FBXO36: variants seen among roughly 807,000 people sequenced by gnomAD.
The protein encoded by FBXO36 is F-box only protein 36.
A neutral mutation model predicts 17.0 loss-of-function variants in FBXO36; 18 were observed. The ratio of observed to expected loss-of-function variants is 1.06; its 90% confidence interval spans 0.73 to 1.57. The LOEUF (loss-of-function observed/expected upper bound fraction) is 1.57, where lower values mean the gene tolerates loss of function less well. Among genes scored for constraint, FBXO36 ranks in the 40% most tolerant of loss-of-function variants. The pLI is 0.00. For missense variants in FBXO36, 229 were observed against 221.9 expected, an observed-to-expected ratio of 1.03 and a Z score of -0.20; for synonymous variants, 83 against 85.3, an observed-to-expected ratio of 0.97 and a Z score of 0.15.
rs915673369 is a variant in FBXO36, at chr2:229,986,213, A to G, written c.205+9864A>G. On this transcript the variant is annotated intron_variant, in intron 2 of 3. Coordinates refer to ENST00000283946, the MANE Select transcript of FBXO36 (RefSeq NM_174899.5). Reference sequence around the variant, plus strand: ...CAAGAATATGTTATATATTAACACAAAAAGGACTGGGCAATGTAGCTCACA... The same window carrying G: ...CAAGAATATGTTATATATTAACACAGAAAGGACTGGGCAATGTAGCTCACA... 7.2e-5 allele frequency among the ~76,000 whole-genome samples: 11 copies of G among 152,186 alleles called. 1 individual carries two copies. The highest frequency in any genetic ancestry group is 3.3e-4 in the Admixed American group (5 of 15,274).
intron 2 of FBXO36, among the ~76,000 whole-genome samples, chr2:229,981,321 C>A (rs1255621664): frequency 6.6e-6 from 1 of 151,958 alleles, no homozygotes; most frequent in Non-Finnish European, 1.5e-5. Context: ...AGACCACCCC[C>A]CCATCTCTAA....
At chr2:229,966,702 A>G (rs2077154863) in intron 1 of FBXO36, among the ~76,000 whole-genome samples, 2 of 151,936 alleles carry the variant, frequency 1.3e-5, no homozygotes, top group African/African-American at 4.8e-5. Flanking sequence ...GATCTGTGGT[A>G]TTATTTCTGA....
chr2:229,973,248 A>G (rs894413514), intron 1 of FBXO36: 3 of 152,018 alleles, frequency 2.0e-5, no homozygotes, highest in Non-Finnish European at 4.4e-5. Context: ...TCACCAATAC[A>G]GGGTTTTATC....
intron 3 of FBXO36, 57 bp downstream of exon 3, chr2:229,996,980 AT>A (rs767954505): frequency 1.3e-6 from 2 of 1,524,696 alleles, no homozygotes; most frequent in East Asian, 2.3e-5. Flanking sequence ...TCTAAAAAAA[AT>A]TTTTAACATA....
At chr2:229,950,796 G>A (rs966655994) in intron 1 of FBXO36, among the ~76,000 whole-genome samples, 1 of 133,830 alleles carries the variant, frequency 7.5e-6, no homozygotes, top group Non-Finnish European at 1.5e-5. Flanking sequence ...TCGTTCAGCC[G>A]CCCAGGCTGG....
At chr2:229,973,719 CAAA>C (rs61291521) in intron 1 of FBXO36, among the ~76,000 whole-genome samples, 19 of 130,196 alleles carry the variant, frequency 1.5e-4, no homozygotes, top group African/African-American at 1.4e-4. Context: ...GACTCCATCT[CAAA>C]AAAAAAAAAA....
At chr2:230,004,233 T>G (rs990963516) in intron 3 of FBXO36, among the ~76,000 whole-genome samples, 2 of 152,208 alleles carry the variant, frequency 1.3e-5, no homozygotes, top group Non-Finnish European at 2.9e-5. Flanking sequence ...CTTTTGTGCT[T>G]GCTTGCCCCA....
intron 3 of FBXO36, among the ~76,000 whole-genome samples, chr2:230,001,655 C>A (rs537593557): frequency 6.6e-6 from 1 of 152,264 alleles, no homozygotes; most frequent in African/African-American, 2.4e-5. Context: ...TTCCGGGGGA[C>A]AAGTTTATTA....
intron 3 of FBXO36, among the ~76,000 whole-genome samples, chr2:230,001,982 TA>T (rs2077361668): frequency 6.6e-6 from 1 of 152,292 alleles, no homozygotes; most frequent in Non-Finnish European, 1.5e-5. Flanking sequence ...CACACCTGGC[TA>T]ATTTTATTTT....
chr2:229,977,400 T>C (rs925712443), intron 2 of FBXO36, among the ~76,000 whole-genome samples: 2 of 152,288 alleles, frequency 1.3e-5, no homozygotes, highest in East Asian at 3.9e-4. Flanking sequence ...TTAACACTTC[T>C]CAATATGAAA....
At chr2:229,994,063 C>T (rs1425305619) in intron 2 of FBXO36, among the ~76,000 whole-genome samples, 1 of 152,110 alleles carries the variant, frequency 6.6e-6, no homozygotes, top group Non-Finnish European at 1.5e-5. Flanking sequence ...TGAGCCACTG[C>T]GCCTGGCCAA....
chr2:229,922,566 C>T lies in FBXO36; in HGVS notation c.53C>T (p.Pro18Leu), dbSNP rs1366653677. The change falls in exon 1 of 4, where the codon CCG (proline) becomes CTG (leucine). Residue 18 changes from proline (P) to leucine (L), a missense_variant. Transcript: ENST00000283946. ...TTTGAAACTGTAGGACAAGGCCCGCCGCCTAGCAAAGACTATTACCAGTTA... is the reference window on the plus strand; with the variant it reads ...TTTGAAACTGTAGGACAAGGCCCGCTGCCTAGCAAAGACTATTACCAGTTA... The part of the protein sequence containing the change: ...TLFETVGQGP[P>L]PSKDYYQLLV... 2 of 1,614,028 alleles carry T rather than the reference C, an allele frequency of 1.2e-6. No individual in the cohort carries two copies. Among genetic ancestry groups the T allele is most frequent in the Non-Finnish European group, 1.7e-6 (2 of 1,180,034 alleles).
intron 1 of FBXO36, chr2:229,939,058 GTT>G (rs199897011): frequency 5.8e-4 from 67 of 115,634 alleles, no homozygotes; most frequent in Non-Finnish European, 4.9e-4. Flanking sequence ...TTTGTTTTTT[GTT>G]TTTTTTTTTT....
At chr2:229,998,993 G>A (rs986678968) in intron 3 of FBXO36, among the ~76,000 whole-genome samples, 1 of 151,498 alleles carries the variant, frequency 6.6e-6, no homozygotes, top group African/African-American at 2.4e-5. Context: ...TAGTAGAGAC[G>A]GGGTTTCACC....
intron 1 of FBXO36, among the ~76,000 whole-genome samples, chr2:229,949,814 A>G (rs1012706149): frequency 1.2e-4 from 19 of 152,050 alleles, no homozygotes; most frequent in African/African-American, 3.4e-4. Context: ...AGTCCCAGCT[A>G]CTCGGGAGGC....
chr2:229,946,935 G>A (rs2077030073), intron 1 of FBXO36, among the ~76,000 whole-genome samples: 1 of 152,194 alleles, frequency 6.6e-6, no homozygotes, highest in South Asian at 2.1e-4. Flanking sequence ...GGGAGGCTGA[G>A]GCTAGTGGAT....
intron 1 of FBXO36, among the ~76,000 whole-genome samples, chr2:229,972,802 G>A (rs772347898): frequency 5.9e-5 from 9 of 152,104 alleles, no homozygotes; most frequent in South Asian, 2.1e-4. Context: ...GGTGGCTCGC[G>A]CCTGTAATTC....
chr2:229,973,585 G>A (rs77200650), intron 1 of FBXO36, among the ~76,000 whole-genome samples: 2,144 of 151,996 alleles, frequency 0.014, 44 homozygotes, highest in African/African-American at 0.048. Context: ...GCCAGGTGCC[G>A]TGGTGGGCGC....
At chr2:229,935,383 C>T (rs1239268439) in intron 1 of FBXO36, among the ~76,000 whole-genome samples, 1 of 152,120 alleles carries the variant, frequency 6.6e-6, no homozygotes, top group Non-Finnish European at 1.5e-5. Flanking sequence ...TGTGGTGGTG[C>T]ATGCCTGTAA....
Sources: gnomAD v4.1 joint callset for allele counts (sites outside exome capture counted in the v4.1 genomes callset) on GRCh38, gnomAD v4.1.1 for gene constraint, MANE v1.5 for transcripts, NCBI Gene and HGNC (gene_info 2026-07-23, HGNC 2026-07-21) for gene names.